NR6A1: variants seen among roughly 807,000 people sequenced by gnomAD.
The protein encoded by NR6A1 is retinoic acid receptor-related testis-associated receptor.
NR6A1 carries 7 observed loss-of-function variants against 59.1 expected under a neutral mutation model. That is an observed-to-expected ratio of 0.12 (90% confidence interval 0.07 to 0.22). The LOEUF (loss-of-function observed/expected upper bound fraction) is 0.22, where lower values mean the gene tolerates loss of function less well. Ranked by LOEUF, NR6A1 falls within the 10% of genes least tolerant of loss-of-function variation. The probability of loss-of-function intolerance (pLI) is 1.00; values close to 1 mark genes in which losing one functional copy is unlikely to be tolerated. For synonymous variants in NR6A1, 243 were observed against 236.1 expected, an observed-to-expected ratio of 1.03 and a Z score of -0.27; for missense variants, 468 against 611.6, an observed-to-expected ratio of 0.77 and a Z score of 2.48.
At chr9:124,690,250 A>G (rs1320612961) in intron 2 of NR6A1, among the ~76,000 whole-genome samples, 2 of 152,224 alleles carry the variant, frequency 1.3e-5, no homozygotes, top group Non-Finnish European at 2.9e-5. Flanking sequence ...CAAACATGCT[A>G]CTAATCATCC....
intron 2 of NR6A1, among the ~76,000 whole-genome samples, chr9:124,707,474 C>G (rs1354317816): frequency 6.6e-6 from 1 of 150,908 alleles, no homozygotes; most frequent in Non-Finnish European, 1.5e-5. Context: ...CTTATGTGTG[C>G]TAGATCCAAC....
intron 3 of NR6A1, among the ~76,000 whole-genome samples, chr9:124,550,239 T>A (rs923533990): frequency 1.3e-5 from 2 of 152,210 alleles, no homozygotes. Flanking sequence ...ATAAACTTAC[T>A]ATTTTTCCCT....
At chr9:124,541,505 A>C (rs1833446014) in intron 4 of NR6A1, among the ~76,000 whole-genome samples, 1 of 152,206 alleles carries the variant, frequency 6.6e-6, no homozygotes, top group South Asian at 2.1e-4. Context: ...ACAAACAAAC[A>C]AACAAAAAAC....
At chr9:124,712,315 A>G (rs722477) in intron 2 of NR6A1, among the ~76,000 whole-genome samples, 76,235 of 151,990 alleles carry the variant, frequency 0.5, 19,245 homozygotes, top group Admixed American at 0.6. Flanking sequence ...GGAAAAATAA[A>G]AGTCTTCTGG....
chr9:124,544,767 A>G (rs2131365880), intron 3 of NR6A1, among the ~76,000 whole-genome samples: 1 of 152,312 alleles, frequency 6.6e-6, no homozygotes, highest in Admixed American at 6.5e-5. Context: ...GGAAAGGCCA[A>G]TTGGGCCTAG....
At chr9:124,633,586 G>GC (rs916668377) in intron 2 of NR6A1, among the ~76,000 whole-genome samples, 1 of 152,036 alleles carries the variant, frequency 6.6e-6, no homozygotes, top group Non-Finnish European at 1.5e-5. Flanking sequence ...GATAAGCAGG[G>GC]CCCCTGGTAC....
intron 2 of NR6A1, among the ~76,000 whole-genome samples, chr9:124,684,239 C>T (rs1038947238): frequency 6.6e-6 from 1 of 152,188 alleles, no homozygotes; most frequent in African/African-American, 2.4e-5. Flanking sequence ...GATGCATCAC[C>T]AACAGCCGGG....
At position 124,521,681 on chromosome 9, in the gene NR6A1, C is replaced by T. The variant is rs972991399; in HGVS notation, c.*1024G>A. The stretch of plus-strand genomic sequence containing the variant: ...AGTGTCTATTCTTTTTGCAGTCTGG[C>T]CTTGCCCTACTACCCTTTGAAGAAA... On this transcript the variant is annotated 3_prime_UTR_variant, in exon 10 of 10. Coordinates refer to ENST00000487099, the MANE Select transcript of NR6A1 (RefSeq NM_033334.4). The T allele has an allele frequency of 6.6e-6, 1 of 152,164 alleles. No individual in the cohort carries two copies. The highest frequency in any genetic ancestry group is 2.4e-5 in the African/African-American group (1 of 41,424). The allele number at this position is 152,164 out of a possible 1,614,324, so 9.4% of individuals were successfully genotyped here. A position where few individuals can be genotyped will look rare whatever the true frequency, so the allele number is the denominator to read the frequency against.
At position 124,669,028 on chromosome 9, in the gene NR6A1, T is replaced by C. The variant is rs138521899; in HGVS notation, c.142+64280A>G. Among the ~76,000 whole-genome samples, 704 of 152,288 alleles carry C rather than the reference T, an allele frequency of 4.6e-3. 6 individuals carry two copies. Among genetic ancestry groups the C allele is most frequent in the African/African-American group, 0.016 (657 of 41,566 alleles). On this transcript the variant is annotated intron_variant, in intron 2 of 9. Coordinates refer to ENST00000487099, the MANE Select transcript of NR6A1 (RefSeq NM_033334.4). Reference sequence around the variant, plus strand: ...TACATCCCTAACAAATACCAGGCAGTTGATAGCAATATTGAAAACCCTCTA... The same window carrying C: ...TACATCCCTAACAAATACCAGGCAGCTGATAGCAATATTGAAAACCCTCTA...
chr9:124,733,418 G>C, intron 1 of NR6A1, 69 bp from the exon 2 acceptor site: 1 of 1,164,954 alleles, frequency 8.6e-7, no homozygotes, highest in Non-Finnish European at 1.3e-6. Flanking sequence ...CAAATATGAA[G>C]TATCATACAG....
At chr9:124,630,484 G>T (rs1306230540) in intron 2 of NR6A1, among the ~76,000 whole-genome samples, 1 of 150,914 alleles carries the variant, frequency 6.6e-6, no homozygotes, top group Non-Finnish European at 1.5e-5. Flanking sequence ...TGATCCGCCT[G>T]CTTTGGCCTC....
chr9:124,635,777 T>C (rs1323260464), intron 2 of NR6A1, among the ~76,000 whole-genome samples: 3 of 152,236 alleles, frequency 2.0e-5, no homozygotes, highest in African/African-American at 7.2e-5. Flanking sequence ...CTGAAGGATA[T>C]CTTGGTTGCT....
intron 2 of NR6A1, among the ~76,000 whole-genome samples, chr9:124,710,447 A>G (rs1839244206): frequency 6.6e-6 from 1 of 152,186 alleles, no homozygotes; most frequent in African/African-American, 2.4e-5. Flanking sequence ...TAAGTCACAG[A>G]AAAAACACCC....
intron 2 of NR6A1, among the ~76,000 whole-genome samples, chr9:124,580,429 T>C (rs1252723408): frequency 6.6e-6 from 1 of 152,186 alleles, no homozygotes; most frequent in Non-Finnish European, 1.5e-5. Context: ...AAGAAGGTTT[T>C]TTTTTTGAGG....
intron 2 of NR6A1, among the ~76,000 whole-genome samples, chr9:124,709,098 G>T (rs140715281): frequency 1.7e-3 from 256 of 152,252 alleles, no homozygotes; most frequent in African/African-American, 5.9e-3. Context: ...CTCAGGCCCA[G>T]CAAATAATTC....
At chr9:124,730,498 G>C (rs1054508098) in intron 2 of NR6A1, among the ~76,000 whole-genome samples, 7 of 151,378 alleles carry the variant, frequency 4.6e-5, no homozygotes. Context: ...GCCTCCCAAA[G>C]TGCTGGAATT....
rs926578452 is a variant in NR6A1 at position 124,522,473 on chromosome 9, C to T, written c.*232G>A. 1 of 356,648 alleles carries T rather than the reference C, an allele frequency of 2.8e-6. No individual in the cohort carries two copies. Among genetic ancestry groups the T allele is most frequent in the Non-Finnish European group, 5.3e-6 (1 of 188,716 alleles). 22.1% of individuals were successfully genotyped at this position (356,648 alleles called of 1,614,324 possible). On this transcript the variant is annotated 3_prime_UTR_variant, in exon 10 of 10. Transcript: ENST00000487099. ...AGAAAATGCATTGGCTGCATTCACA[C>T]AAAAGCATGTGCATCATGTTGAAGG...
intron 2 of NR6A1, among the ~76,000 whole-genome samples, chr9:124,650,296 A>G (rs915804166): frequency 6.6e-6 from 1 of 152,208 alleles, no homozygotes; most frequent in African/African-American, 2.4e-5. Context: ...ATTTGCAGCA[A>G]CATGGATGGA....
chr9:124,610,264 A>G (rs1835701205), intron 2 of NR6A1, among the ~76,000 whole-genome samples: 1 of 152,082 alleles, frequency 6.6e-6, no homozygotes. Context: ...TATTATTTTG[A>G]GATATATTCC....
Sources: allele counts gnomAD v4.1 joint callset (sites outside exome capture counted in the v4.1 genomes callset), GRCh38; gene constraint gnomAD v4.1.1; transcripts MANE v1.5; gene names NCBI Gene and HGNC (gene_info 2026-07-23, HGNC 2026-07-21).